Variants in EDARADD observed in about 807,000 individuals in gnomAD.
EDARADD encodes EDAR associated via death domain, also known as ectodysplasin-A receptor-associated adapter protein.
EDARADD carries 20 observed loss-of-function variants against 25.6 expected under a neutral mutation model. The observed-to-expected ratio is 0.78, with a 90% CI of 0.55 to 1.14. The LOEUF is 1.14. Among genes scored for constraint, EDARADD ranks in the 50% most tolerant of loss-of-function variants. The pLI, the probability that EDARADD is intolerant of heterozygous loss-of-function variation, is 0.00. For synonymous variants in EDARADD, 86 were observed against 94.4 expected (o/e 0.91, Z 0.52); for missense variants, 225 against 270.1 (o/e 0.83, Z 1.17).
intron 1 of EDARADD, 141 bp downstream of exon 1, chr1:236,394,646 C>A (rs930111579): frequency 1.5e-6 from 1 of 660,070 alleles, no homozygotes; most frequent in Non-Finnish European, 2.5e-6. Flanking sequence ...TCTTTCTGTT[C>A]TTATGTGTGA....
chr1:236,382,520 A>G (rs1486153132), intron 3 of EDARADD, among the ~76,000 whole-genome samples: 2 of 152,124 alleles, frequency 1.3e-5, no homozygotes. Context: ...AAGTCTGGTA[A>G]TCATTGTATT....
intron 5 of EDARADD, among the ~76,000 whole-genome samples, chr1:236,471,199 T>C (rs1659350282): frequency 6.6e-6 from 1 of 152,240 alleles, no homozygotes; most frequent in Admixed American, 6.5e-5. Flanking sequence ...GCCAACTTAA[T>C]GTCTCCTTAA....
chr1:236,375,934 C>T (rs916048039), intron 3 of EDARADD, among the ~76,000 whole-genome samples: 2 of 135,668 alleles, frequency 1.5e-5, no homozygotes, highest in Non-Finnish European at 3.1e-5. Context: ...TTTACCTGCA[C>T]CTTTTTTTTT....
intron 3 of EDARADD, among the ~76,000 whole-genome samples, chr1:236,388,128 A>ATG (rs113190602): frequency 0.76 from 113,383 of 149,604 alleles, 44,156 homozygotes; most frequent in South Asian, 0.91. Flanking sequence ...TGCATTGTGT[A>ATG]TGTGTGTGTG....
intron 4 of EDARADD, among the ~76,000 whole-genome samples, chr1:236,430,408 T>C (rs1191443109): frequency 6.6e-6 from 1 of 152,222 alleles, no homozygotes; most frequent in Non-Finnish European, 1.5e-5. Context: ...TTCATGTAGT[T>C]TACTTTTAGG....
At chr1:236,396,452 T>C (rs1331561563) in intron 1 of EDARADD, among the ~76,000 whole-genome samples, 1 of 152,232 alleles carries the variant, frequency 6.6e-6, no homozygotes, top group East Asian at 1.9e-4. Context: ...TTTGTTGAGG[T>C]TGGAAACACT....
At chr1:236,404,137 C>CAG (rs1553265362) in intron 1 of EDARADD, among the ~76,000 whole-genome samples, 1 of 152,326 alleles carries the variant, frequency 6.6e-6, no homozygotes, top group East Asian at 1.9e-4. Context: ...TGCTCCTCTG[C>CAG]CCGTCCTATT....
chr1:236,364,263 T>C (rs1265155473), intron 3 of EDARADD, among the ~76,000 whole-genome samples: 1 of 152,224 alleles, frequency 6.6e-6, no homozygotes, highest in South Asian at 2.1e-4. Context: ...TTATCCCAGA[T>C]ATATGTCTAT....
At chr1:236,456,814 C>T (rs1029261477) in intron 4 of EDARADD, among the ~76,000 whole-genome samples, 3 of 150,014 alleles carry the variant, frequency 2.0e-5, no homozygotes, top group African/African-American at 4.9e-5. Context: ...TAGTTCTTGA[C>T]CTTGAACCCC....
rs56930680 is a variant in EDARADD, at chr1:236,447,251, CCTTT to C, written c.219+19821_219+19824del. On this transcript the variant is annotated intron_variant, in intron 4 of 5. Coordinates refer to ENST00000334232, the MANE Select transcript of EDARADD (RefSeq NM_145861.4). ...TTTCTTTCCTTTCTTTCCTTTCTTT[CCTTT>C]CTTTCTTTCTTTCTTTCTTCTTGAT... Among the ~76,000 whole-genome samples, 124 of 61,186 alleles carry C rather than the reference CCTTT, an allele frequency of 2.0e-3. 1 individual carries two copies. The Middle Eastern group carries it at 0.028, about 14-fold the overall frequency. 40.1% of individuals were successfully genotyped at this position (61,186 alleles called of 152,430 possible).
At chr1:236,448,556 C>T (rs1658627173) in intron 4 of EDARADD, among the ~76,000 whole-genome samples, 1 of 152,156 alleles carries the variant, frequency 6.6e-6, no homozygotes, top group South Asian at 2.1e-4. Context: ...TTAACTCCCC[C>T]CAAAATAAAA....
At chr1:236,401,690 T>C (rs1667613882) in intron 1 of EDARADD, among the ~76,000 whole-genome samples, 1 of 152,172 alleles carries the variant, frequency 6.6e-6, no homozygotes, top group African/African-American at 2.4e-5. Flanking sequence ...GCAAATAGAT[T>C]CTGCATGTGG....
chr1:236,410,468 A>G (rs1362998608), intron 2 of EDARADD, among the ~76,000 whole-genome samples: 1 of 152,042 alleles, frequency 6.6e-6, no homozygotes, highest in African/African-American at 2.4e-5. Context: ...TCAACCTCCC[A>G]AGATCCTCCC....
chr1:236,396,561 C>T (rs72753323), intron 1 of EDARADD, among the ~76,000 whole-genome samples: 177 of 152,236 alleles, frequency 1.2e-3, no homozygotes, highest in Admixed American at 2.1e-3. Flanking sequence ...ATGTTCCATC[C>T]TTAAATTGTG....
chr1:236,460,990 T>A (rs1659024208), intron 4 of EDARADD, among the ~76,000 whole-genome samples: 2 of 151,982 alleles, frequency 1.3e-5, no homozygotes, highest in Non-Finnish European at 2.9e-5. Context: ...CCCGGCTAAT[T>A]TTTGTATTTT....
chr1:236,355,500 C>CTTTTTTTTTTTTTTTTTTTTTTTT lies in EDARADD; in HGVS notation c.-6+4664_-6+4687dup, dbSNP rs563976436. Among the ~76,000 whole-genome samples, 2 of 73,142 alleles carry CTTTTTTTTTTTTTTTTTTTTTTTT rather than the reference C, an allele frequency of 2.7e-5. 1 individual carries two copies. Among genetic ancestry groups the CTTTTTTTTTTTTTTTTTTTTTTTT allele is most frequent in the African/African-American group, 1.0e-4 (2 of 19,242 alleles). The allele number at this position is 73,142 out of a possible 152,430, so 48.0% of individuals were successfully genotyped here. A position where few individuals can be genotyped will look rare whatever the true frequency, so the allele number is the denominator to read the frequency against. The stretch of plus-strand genomic sequence containing the variant: ...CACTCATTCTCTTCTGCTTCTTCTT[C>CTTTTTTTTTTTTTTTTTTTTTTTT]TTTTTTTTTTTTTTTTTTTTTTTTT... On this transcript the variant is annotated intron_variant, in intron 3 of 7. Transcript: ENST00000439430.
chr1:236,403,437 G>A (rs1417450811), intron 1 of EDARADD, among the ~76,000 whole-genome samples: 15 of 151,630 alleles, frequency 9.9e-5, no homozygotes, highest in Admixed American at 3.3e-4. Context: ...ACAGGTGCCC[G>A]CCACCATGCC....
chr1:236,449,794 C>CT (rs372925376), intron 4 of EDARADD, among the ~76,000 whole-genome samples: 118 of 152,270 alleles, frequency 7.7e-4, no homozygotes, highest in African/African-American at 2.6e-3. Flanking sequence ...TACATGATTA[C>CT]TTTTCTATTA....
Position 236,483,916 on chromosome 1 carries a change from T to C in EDARADD, c.*1267T>C. The stretch of plus-strand genomic sequence containing the variant: ...AGCATGGACGTAGAGGCCTCCGAGT[T>C]CTTCAGGTCTGGAAAGTATGACCTG... On this transcript the variant is annotated 3_prime_UTR_variant, in exon 6 of 6. Coordinates refer to ENST00000334232, the MANE Select transcript of EDARADD (RefSeq NM_145861.4). The C allele has an allele frequency of 7.3e-7, 1 of 1,376,302 alleles. No homozygotes were observed. The highest frequency in any genetic ancestry group is 2.3e-5 in the East Asian group (1 of 43,624). The allele number at this position is 1,376,302 out of a possible 1,614,324, so 85.3% of individuals were successfully genotyped here.
Sources: allele counts gnomAD v4.1 joint callset (sites outside exome capture counted in the v4.1 genomes callset), GRCh38; gene constraint gnomAD v4.1.1; transcripts MANE v1.5; gene names NCBI Gene and HGNC (gene_info 2026-07-23, HGNC 2026-07-21).